ADGRV1: variants seen among roughly 807,000 people sequenced by gnomAD.
The protein encoded by ADGRV1 is adhesion G protein-coupled receptor V1, also known as G-protein coupled receptor 98.
In ADGRV1, 359 loss-of-function variants were observed where a neutral mutation model predicts 596.2. That is an observed-to-expected ratio of 0.60 (90% CI 0.55 to 0.66). ADGRV1 has a LOEUF of 0.66. Among genes scored for constraint, ADGRV1 ranks in the 30% least tolerant of loss-of-function variants. ADGRV1 has a pLI of 0.00. For missense variants in ADGRV1, 7,274 were observed against 7,575.6 expected, an observed-to-expected ratio of 0.96 and a Z score of 1.48; for synonymous variants, 2,681 against 2,679.2, an observed-to-expected ratio of 1.00 and a Z score of -0.02.
intron 85 of ADGRV1, among the ~76,000 whole-genome samples, chr5:90,993,142 C>T (rs1781106496): frequency 6.8e-6 from 1 of 146,874 alleles, no homozygotes; most frequent in South Asian, 2.2e-4. Context: ...CTCTGTCTTT[C>T]CTTGGTTTTC....
At chr5:91,059,940 C>T (rs1787251180) in intron 85 of ADGRV1, among the ~76,000 whole-genome samples, 2 of 152,134 alleles carry the variant, frequency 1.3e-5, no homozygotes, top group South Asian at 2.1e-4. Flanking sequence ...CCAATATGAG[C>T]ATATTTAGGG....
rs78235487 is a variant in ADGRV1, at chr5:90,912,135, A to G, written c.17856+48278A>G. ...ATGAATATGAGCTGTTTTTATTATC[A>G]GTATGATTACGTGGAAAAGAGAACC... On this transcript the variant is annotated intron_variant, in intron 83 of 89. Coordinates refer to ENST00000405460, the MANE Select transcript of ADGRV1 (RefSeq NM_032119.4). Among the ~76,000 whole-genome samples the G allele has an allele frequency of 9.3e-3, 1,418 of 152,220 alleles. 20 individuals carry two copies. Among genetic ancestry groups the G allele is most frequent in the African/African-American group, 0.033 (1,369 of 41,536 alleles).
chr5:90,849,340 G>T (rs1766245805), intron 79 of ADGRV1, among the ~76,000 whole-genome samples: 1 of 152,094 alleles, frequency 6.6e-6, no homozygotes, highest in Admixed American at 6.5e-5. Context: ...ATAACTATAT[G>T]TTAACATACC....
chr5:90,560,115 A>G (rs1265683887), intron 1 of ADGRV1, among the ~76,000 whole-genome samples: 1 of 152,328 alleles, frequency 6.6e-6, no homozygotes, highest in Non-Finnish European at 1.5e-5. Context: ...TGGCTCTGCC[A>G]TTAACACACA....
chr5:90,890,900 A>G (rs1196539748), intron 83 of ADGRV1, among the ~76,000 whole-genome samples: 1 of 152,094 alleles, frequency 6.6e-6, no homozygotes, highest in African/African-American at 2.4e-5. Context: ...TCCCTGATAA[A>G]GAGTAAAGTT....
intron 27 of ADGRV1, among the ~76,000 whole-genome samples, chr5:90,681,818 CT>C (rs1744974028): frequency 6.8e-6 from 1 of 147,248 alleles, no homozygotes. Context: ...CCCTCCCTCC[CT>C]CCCTCACTCC....
At position 91,090,476 on chromosome 5, in the gene ADGRV1, T is replaced by G. The variant is rs2126573877; in HGVS notation, c.18311-11743T>G. Among the ~76,000 whole-genome samples the G allele has an allele frequency of 2.6e-5, 4 of 152,226 alleles. No individual in the cohort carries two copies. The South Asian group carries it at 8.3e-4, about 32-fold the overall frequency. On this transcript the variant is annotated intron_variant, in intron 86 of 89. Transcript: ENST00000405460. ...CCTGACACTGGACTGTCTTTTAGCA[T>G]CCAGGAGAGCCCTAAGTCAGCTCTT...
intron 7 of ADGRV1, 22 bp downstream of exon 7, chr5:90,627,798 T>C (rs1764971232): frequency 7.6e-7 from 1 of 1,318,868 alleles, no homozygotes; most frequent in Non-Finnish European, 1.0e-6. Flanking sequence ...TTTAAATATA[T>C]TGCTACCATT....
chr5:90,706,557 AT>A (rs1748634142), intron 38 of ADGRV1, among the ~76,000 whole-genome samples, 163 bp downstream of exon 38: 2 of 151,774 alleles, frequency 1.3e-5, no homozygotes, highest in African/African-American at 4.9e-5. Context: ...TAACTCATAT[AT>A]TTTTCCTTAT....
intron 85 of ADGRV1, among the ~76,000 whole-genome samples, chr5:91,034,858 G>A (rs369551309): frequency 2.6e-5 from 4 of 152,080 alleles, no homozygotes; most frequent in Admixed American, 1.3e-4. Flanking sequence ...TGATCATAGC[G>A]CACTGCAGCC....
chr5:91,025,338 ATTT>A (rs34385706), intron 85 of ADGRV1, among the ~76,000 whole-genome samples: 1 of 148,056 alleles, frequency 6.8e-6, no homozygotes, highest in African/African-American at 2.5e-5. Flanking sequence ...CAAAAGGAAG[ATTT>A]TTTTTTTTTT....
At chr5:90,953,250 T>C (rs529528221) in intron 83 of ADGRV1, among the ~76,000 whole-genome samples, 1 of 152,304 alleles carries the variant, frequency 6.6e-6, no homozygotes, top group African/African-American at 2.4e-5. Flanking sequence ...ATTGGTTAGC[T>C]GTCAGACCTT....
At chr5:90,845,214 G>A (rs898234533) in intron 78 of ADGRV1, among the ~76,000 whole-genome samples, 6 of 152,008 alleles carry the variant, frequency 3.9e-5, no homozygotes, top group African/African-American at 1.2e-4. Context: ...ACAATTGTGC[G>A]CAAACAAAAA....
intron 85 of ADGRV1, among the ~76,000 whole-genome samples, chr5:91,056,286 A>C (rs567289106): frequency 1.3e-5 from 2 of 152,236 alleles, no homozygotes; most frequent in East Asian, 3.9e-4. Context: ...GGATTCAGAA[A>C]GCTGTAGTGG....
chr5:90,863,299 T>C lies in ADGRV1; in HGVS notation c.17756-458T>C, dbSNP rs1372091932. 2.0e-5 allele frequency among the ~76,000 whole-genome samples: 3 copies of C among 152,352 alleles called. No individual in the cohort carries two copies. The East Asian group carries it at 5.8e-4, about 29-fold the overall frequency. On this transcript the variant is annotated intron_variant, in intron 82 of 89. Coordinates refer to ENST00000405460, the MANE Select transcript of ADGRV1 (RefSeq NM_032119.4). ...AGGTGAATTCAAACAAACTCAAAGATAATAAGAATAATTTTCTTCATACAA... is the reference window on the plus strand; with the variant it reads ...AGGTGAATTCAAACAAACTCAAAGACAATAAGAATAATTTTCTTCATACAA...
intron 6 of ADGRV1, 88 bp from the exon 7 acceptor site, chr5:90,627,123 A>G: frequency 1.4e-6 from 1 of 692,178 alleles, no homozygotes; most frequent in Admixed American, 3.3e-5. Context: ...ATGTAATTGT[A>G]TTGAAACATA....
intron 1 of ADGRV1, among the ~76,000 whole-genome samples, chr5:90,582,467 C>T (rs1357345921): frequency 6.6e-6 from 1 of 152,098 alleles, no homozygotes; most frequent in African/African-American, 2.4e-5. Flanking sequence ...TCCTTCTTAA[C>T]TTTTATTGGT....
intron 10 of ADGRV1, 81 bp from the exon 11 acceptor site, chr5:90,637,644 A>G: frequency 1.0e-6 from 1 of 998,284 alleles, no homozygotes; most frequent in Non-Finnish European, 1.4e-6. Context: ...TATATGTACA[A>G]ACTAATATCA....
chr5:90,940,023 A>G (rs571430200), intron 83 of ADGRV1, among the ~76,000 whole-genome samples: 1 of 152,216 alleles, frequency 6.6e-6, no homozygotes, highest in Non-Finnish European at 1.5e-5. Context: ...TTTCTCAAGC[A>G]TATAACTTGG....
Sources: allele counts gnomAD v4.1 joint callset (sites outside exome capture counted in the v4.1 genomes callset), GRCh38; gene constraint gnomAD v4.1.1; transcripts MANE v1.5; gene names NCBI Gene and HGNC (gene_info 2026-07-23, HGNC 2026-07-21).